Variants in DLG2 observed in about 807,000 individuals in gnomAD.
The protein encoded by DLG2 is discs large MAGUK scaffold protein 2, also known as disks large homolog 2.
In DLG2, 45 loss-of-function variants were observed where a neutral mutation model predicts 132.5. That is an observed-to-expected ratio of 0.34 (90% CI 0.27 to 0.44). DLG2 has a LOEUF of 0.44. Ranked by LOEUF, DLG2 falls within the 20% of genes least tolerant of loss-of-function variation. The pLI, the probability that DLG2 is intolerant of heterozygous loss-of-function variation, is 1.00. For synonymous variants in DLG2, 424 were observed against 419.6 expected (o/e 1.01, Z -0.13); for missense variants, 1,045 against 1,196.9 (o/e 0.87, Z 1.87).
intron 6 of DLG2, among the ~76,000 whole-genome samples, chr11:84,714,696 CTT>C (rs1391770942): frequency 2.0e-5 from 3 of 147,074 alleles, no homozygotes; most frequent in African/African-American, 7.7e-5. Context: ...CCACCCAAGA[CTT>C]TCCCTTCCCA....
intron 6 of DLG2, among the ~76,000 whole-genome samples, chr11:84,570,785 G>T (rs542191586): frequency 6.6e-6 from 1 of 151,904 alleles, no homozygotes; most frequent in East Asian, 1.9e-4. Context: ...ATATATTTTG[G>T]TGCCTACTTG....
chr11:85,209,467 T>TTTTTTTTG (rs869176791), intron 4 of DLG2, among the ~76,000 whole-genome samples: 4 of 146,046 alleles, frequency 2.7e-5, no homozygotes, highest in Non-Finnish European at 3.0e-5. Flanking sequence ...TTTTTTTTTT[T>TTTTTTTTG]GAGACAGAGA....
At chr11:84,528,348 T>A (rs967590257) in intron 7 of DLG2, among the ~76,000 whole-genome samples, 2 of 152,228 alleles carry the variant, frequency 1.3e-5, no homozygotes, top group Non-Finnish European at 2.9e-5. Context: ...CAAAGCACTC[T>A]AATGAAAACA....
At chr11:84,909,438 G>A (rs555486875) in intron 6 of DLG2, among the ~76,000 whole-genome samples, 5 of 152,242 alleles carry the variant, frequency 3.3e-5, no homozygotes, top group African/African-American at 7.2e-5. Flanking sequence ...GCTAATTTGC[G>A]TTTCTAAGTT....
In DLG2 at chr11:83,665,459, A is replaced by G. The variant is rs182699373; in HGVS notation, c.1826-32134T>C. ...ACATAGTGTCACAGCATAGAGCAATATAGAGTACAAATGGGGGTTATACTT... is the reference window on the plus strand; with the variant it reads ...ACATAGTGTCACAGCATAGAGCAATGTAGAGTACAAATGGGGGTTATACTT... On this transcript the variant is annotated intron_variant, in intron 18 of 27. Transcript: ENST00000376104. 1.6e-3 allele frequency among the ~76,000 whole-genome samples: 249 copies of G among 152,354 alleles called. 2 individuals carry two copies. Among genetic ancestry groups the G allele is most frequent in the Middle Eastern group, 0.014 (4 of 294 alleles).
chr11:84,556,275 G>T lies in DLG2; in HGVS notation c.358-21544C>A, dbSNP rs867836533. Among the ~76,000 whole-genome samples, 3 of 152,134 alleles carry T rather than the reference G, an allele frequency of 2.0e-5. No individual in the cohort carries two copies. The East Asian group carries it at 5.8e-4, about 29-fold the overall frequency. On this transcript the variant is annotated intron_variant, in intron 6 of 27. Coordinates refer to ENST00000376104, the MANE Select transcript of DLG2 (RefSeq NM_001142699.3). The stretch of plus-strand genomic sequence containing the variant: ...GAGATTGGGGCCTAGTGGACAGTGG[G>T]TATAAAGATACTCTGTGTTAGCCTC...
chr11:83,666,862 C>A (rs2075697463), intron 18 of DLG2, among the ~76,000 whole-genome samples: 1 of 152,160 alleles, frequency 6.6e-6, no homozygotes. Flanking sequence ...TAGTTCTCAT[C>A]CAACCTCTAA....
At chr11:84,191,799 G>T (rs1454750006) in intron 8 of DLG2, among the ~76,000 whole-genome samples, 1 of 152,158 alleles carries the variant, frequency 6.6e-6, no homozygotes, top group Non-Finnish European at 1.5e-5. Flanking sequence ...AGAGAAAGTG[G>T]AGTGGTAGGG....
intron 6 of DLG2, among the ~76,000 whole-genome samples, chr11:84,591,586 G>A (rs1002495427): frequency 5.9e-5 from 9 of 151,734 alleles, no homozygotes; most frequent in South Asian, 2.1e-4. Flanking sequence ...ACTTGAACCC[G>A]GGAGGTGGAG....
chr11:84,275,276 A>T (rs2097773331), intron 7 of DLG2, among the ~76,000 whole-genome samples: 1 of 152,228 alleles, frequency 6.6e-6, no homozygotes, highest in Non-Finnish European at 1.5e-5. Flanking sequence ...AAACAGTTTT[A>T]AAAACTGCCC....
chr11:84,407,956 A>C (rs949728283), intron 7 of DLG2, among the ~76,000 whole-genome samples: 1 of 152,216 alleles, frequency 6.6e-6, no homozygotes, highest in Non-Finnish European at 1.5e-5. Flanking sequence ...TGAGGGTATT[A>C]ACCTATAGCC....
At position 84,062,469 on chromosome 11, in the gene DLG2, A is replaced by G. The variant is rs550657422; in HGVS notation, c.750-2985T>C. On this transcript the variant is annotated intron_variant, in intron 10 of 27. Transcript: ENST00000376104. ...GTTCTTGCTATTGAGTGGATCAAAGATGTGCTCAAGTATTTGTTCAAATGT... is the reference window on the plus strand; with the variant it reads ...GTTCTTGCTATTGAGTGGATCAAAGGTGTGCTCAAGTATTTGTTCAAATGT... Among the ~76,000 whole-genome samples, 4 of 152,322 alleles carry G rather than the reference A, an allele frequency of 2.6e-5. No individual in the cohort carries two copies. The East Asian group carries it at 5.8e-4, about 22-fold the overall frequency.
At chr11:85,223,520 G>A (rs1371886405) in intron 4 of DLG2, among the ~76,000 whole-genome samples, 3 of 151,986 alleles carry the variant, frequency 2.0e-5, no homozygotes, top group Admixed American at 6.6e-5. Flanking sequence ...CGTGCTTGTG[G>A]TCCGGGCTAC....
chr11:84,941,111 G>A (rs1248184199), intron 6 of DLG2, among the ~76,000 whole-genome samples: 1 of 152,130 alleles, frequency 6.6e-6, no homozygotes, highest in East Asian at 1.9e-4. Context: ...CCAGTAATAT[G>A]CTGTTTTGGT....
At chr11:85,252,242 GT>G (rs1247139201) in intron 4 of DLG2, among the ~76,000 whole-genome samples, 1 of 152,176 alleles carries the variant, frequency 6.6e-6, no homozygotes, top group Non-Finnish European at 1.5e-5. Flanking sequence ...AATCAACGGC[GT>G]AAGATAGAAA....
chr11:84,777,324 T>TATGC (rs1449220928), intron 6 of DLG2, among the ~76,000 whole-genome samples: 1 of 105,952 alleles, frequency 9.4e-6, no homozygotes, highest in Non-Finnish European at 1.9e-5. Context: ...TATATATATA[T>TATGC]ACGTTTTCTT....
intron 11 of DLG2, among the ~76,000 whole-genome samples, chr11:83,986,125 T>C (rs2093279244): frequency 6.6e-6 from 1 of 151,880 alleles, no homozygotes. Context: ...TAGTTACATA[T>C]GTATACATGT....
intron 18 of DLG2, 128 bp from the exon 19 acceptor site, chr11:83,633,453 C>T: frequency 1.4e-6 from 1 of 691,622 alleles, no homozygotes. Context: ...ATGTGCAACT[C>T]AAGGGTATGC....
intron 2 of DLG2, among the ~76,000 whole-genome samples, chr11:85,617,753 T>C (rs2081438113): frequency 6.6e-6 from 1 of 152,236 alleles, no homozygotes; most frequent in African/African-American, 2.4e-5. Flanking sequence ...TTAATAGGTT[T>C]ATTCCAAGTA....
Sources: gnomAD v4.1 joint callset for allele counts (sites outside exome capture counted in the v4.1 genomes callset) on GRCh38, gnomAD v4.1.1 for gene constraint, MANE v1.5 for transcripts, NCBI Gene and HGNC (gene_info 2026-07-23, HGNC 2026-07-21) for gene names.